NCOA2: variants seen among roughly 807,000 people sequenced by gnomAD.
NCOA2 encodes class E basic helix-loop-helix protein 75.
NCOA2 carries 21 observed loss-of-function variants against 145.1 expected under a neutral mutation model. The ratio of observed to expected loss-of-function variants is 0.14; its 90% CI spans 0.10 to 0.21. The LOEUF is 0.21. NCOA2 is among the 10% of genes least tolerant of loss of function. The pLI, the probability that NCOA2 is intolerant of heterozygous loss-of-function variation, is 1.00. For missense variants in NCOA2, 1,472 were observed against 1,837.6 expected (o/e 0.80, Z 3.64); for synonymous variants, 619 against 637.5 (o/e 0.97, Z 0.44).
intron 4 of NCOA2, among the ~76,000 whole-genome samples, chr8:70,175,450 C>T (rs1009017359): frequency 6.6e-6 from 1 of 152,188 alleles, no homozygotes; most frequent in Non-Finnish European, 1.5e-5. Flanking sequence ...AAGCACCCTA[C>T]CAGGCACTTG....
chr8:70,185,136 C>T (rs1815915846), intron 4 of NCOA2, among the ~76,000 whole-genome samples: 1 of 152,114 alleles, frequency 6.6e-6, no homozygotes, highest in Non-Finnish European at 1.5e-5. Context: ...AGACTCTTCT[C>T]CTTTCCCCTA....
intron 1 of NCOA2, among the ~76,000 whole-genome samples, chr8:70,362,972 A>T (rs1473345214): frequency 1.3e-5 from 2 of 149,040 alleles, no homozygotes; most frequent in Admixed American, 1.3e-4. Flanking sequence ...CAGCTACTTG[A>T]GAGGCTGAGG....
At position 70,112,989 on chromosome 8, in the gene NCOA2, T is replaced by C. The variant is rs1465658941; in HGVS notation, c.*643A>G. On this transcript the variant is annotated 3_prime_UTR_variant, in exon 23 of 23. Coordinates refer to ENST00000452400, the MANE Select transcript of NCOA2 (RefSeq NM_006540.4). Reference sequence around the variant, plus strand: ...GCCCTCTCACAGGCTCCTTTTCATCTGTTCAGTAACTGGAGACTCTTTCCA... The same window carrying C: ...GCCCTCTCACAGGCTCCTTTTCATCCGTTCAGTAACTGGAGACTCTTTCCA... 7 of 200,310 alleles carry C rather than the reference T, an allele frequency of 3.5e-5. No individual in the cohort carries two copies. In the East Asian group the frequency reaches 5.4e-4, roughly 15 times the overall value. The allele number at this position is 200,310 out of a possible 1,614,324, so 12.4% of individuals were successfully genotyped here.
At chr8:70,304,466 T>A (rs1442047432) in intron 1 of NCOA2, among the ~76,000 whole-genome samples, 1 of 150,200 alleles carries the variant, frequency 6.7e-6, no homozygotes, top group Non-Finnish European at 1.5e-5. Flanking sequence ...CGTGACTATA[T>A]GCATATTTTT....
chr8:70,454,068 A>T, the NCOA2 span, among the ~76,000 whole-genome samples: 5 of 152,218 alleles, frequency 3.3e-5, no homozygotes, highest in Non-Finnish European at 7.3e-5. Context: ...CCATTGACTA[A>T]GCCTTGAAAA....
chr8:70,250,227 C>CAA (rs1343511637), intron 2 of NCOA2, among the ~76,000 whole-genome samples: 1 of 150,806 alleles, frequency 6.6e-6, no homozygotes, highest in Non-Finnish European at 1.5e-5. Flanking sequence ...CCCATCTCTA[C>CAA]AAAAAAATAC....
chr8:70,241,412 A>G (rs1233081754), intron 2 of NCOA2, among the ~76,000 whole-genome samples: 1 of 152,134 alleles, frequency 6.6e-6, no homozygotes, highest in Non-Finnish European at 1.5e-5. Context: ...ATTAGCTGGG[A>G]GTTAATGTTC....
At chr8:70,436,454 G>A in the NCOA2 span, among the ~76,000 whole-genome samples, 13 of 152,124 alleles carry the variant, frequency 8.5e-5, no homozygotes, top group East Asian at 3.8e-4. Flanking sequence ...ATTAGTTCTC[G>A]TGCAGCTGTG....
In NCOA2 at chr8:70,193,064, T is replaced by TAAA. The variant is rs397892713; in HGVS notation, c.260-18208_260-18206dup. ...CCTGGGCGACAGAGCGAGACTCTAT[T>TAAA]AAAAAAAAAAAAAAAAAAAAAAATG... is the stretch of plus-strand genomic sequence containing the variant. On this transcript the variant is annotated intron_variant, in intron 4 of 22. Coordinates refer to ENST00000452400, the MANE Select transcript of NCOA2 (RefSeq NM_006540.4). Among the ~76,000 whole-genome samples the TAAA allele has an allele frequency of 1.6e-3, 139 of 86,528 alleles. 1 individual carries two copies. Among genetic ancestry groups the TAAA allele is most frequent in the African/African-American group, 3.2e-3 (65 of 20,018 alleles). 56.8% of individuals were successfully genotyped at this position (86,528 alleles called of 152,430 possible).
chr8:70,445,393 A>G, the NCOA2 span, among the ~76,000 whole-genome samples: 1 of 152,194 alleles, frequency 6.6e-6, no homozygotes, highest in African/African-American at 2.4e-5. Flanking sequence ...TTAACTGTAT[A>G]ATCAATTTGC....
upstream of NCOA2, chr8:70,403,902 A>G: frequency 2.7e-6 from 1 of 369,014 alleles, no homozygotes; most frequent in East Asian, 3.9e-5. Flanking sequence ...TTGCGGAGAG[A>G]CAGACAGCGC....
intron 2 of NCOA2, among the ~76,000 whole-genome samples, chr8:70,249,038 T>C (rs1375728934): frequency 6.6e-6 from 1 of 152,136 alleles, no homozygotes; most frequent in Non-Finnish European, 1.5e-5. Flanking sequence ...GTCCTGCACA[T>C]TTCCTAGGAC....
At chr8:70,244,429 A>G (rs957083211) in intron 2 of NCOA2, among the ~76,000 whole-genome samples, 1 of 152,082 alleles carries the variant, frequency 6.6e-6, no homozygotes, top group Non-Finnish European at 1.5e-5. Context: ...GATTAACTGT[A>G]TGTTATTTAG....
intron 2 of NCOA2, among the ~76,000 whole-genome samples, chr8:70,234,341 CA>C (rs1266921257): frequency 1.3e-5 from 2 of 152,138 alleles, no homozygotes; most frequent in Non-Finnish European, 2.9e-5. Flanking sequence ...AGTTTTTACA[CA>C]GATGTATGCT....
chr8:70,250,227 C>CA (rs1343511637), intron 2 of NCOA2, among the ~76,000 whole-genome samples: 4 of 150,806 alleles, frequency 2.7e-5, no homozygotes, highest in South Asian at 2.1e-4. Context: ...CCCATCTCTA[C>CA]AAAAAAATAC....
intron 13 of NCOA2, among the ~76,000 whole-genome samples, chr8:70,143,721 T>C (rs192949094): frequency 2.4e-4 from 36 of 152,326 alleles, no homozygotes; most frequent in African/African-American, 4.8e-5. Flanking sequence ...CAGCACTCAA[T>C]GTGTGTATAG....
At chr8:70,191,156 T>C (rs933551782) in intron 4 of NCOA2, among the ~76,000 whole-genome samples, 18 of 152,228 alleles carry the variant, frequency 1.2e-4, no homozygotes, top group Non-Finnish European at 2.2e-4. Flanking sequence ...AAAAGTTAAA[T>C]TGTTCATCAT....
At chr8:70,403,931 G>T, upstream of NCOA2, 4 of 374,900 alleles carry the variant, frequency 1.1e-5, no homozygotes, top group Non-Finnish European at 1.9e-5. Context: ...GAGCAGGGGA[G>T]GGGGCTCGGG....
chr8:70,273,919 G>A, intron 2 of NCOA2: 1 of 426,230 alleles, frequency 2.3e-6, no homozygotes, highest in South Asian at 1.9e-5. Flanking sequence ...TTTATATTAT[G>A]ACTGCTTTTT....
Sources: allele counts gnomAD v4.1 joint callset (sites outside exome capture counted in the v4.1 genomes callset), GRCh38; gene constraint gnomAD v4.1.1; transcripts MANE v1.5; gene names NCBI Gene and HGNC (gene_info 2026-07-23, HGNC 2026-07-21).